Variants in TRMT13 observed in about 807,000 individuals in gnomAD.
TRMT13 encodes tRNA:m(4)X modification enzyme TRM13 homolog.
A neutral mutation model predicts 55.9 loss-of-function variants in TRMT13; 45 were observed. The observed-to-expected ratio is 0.80, with a 90% CI of 0.63 to 1.03. TRMT13 has a LOEUF of 1.03. TRMT13 is among the 50% of genes least tolerant of loss of function. The probability of loss-of-function intolerance (pLI) is 0.00; values close to 1 mark genes in which losing one functional copy is unlikely to be tolerated. For missense variants in TRMT13, 513 were observed against 563.9 expected, an observed-to-expected ratio of 0.91 and a Z score of 0.91; for synonymous variants, 183 against 196.3, an observed-to-expected ratio of 0.93 and a Z score of 0.57.
At chr1:100,147,550 TA>T (rs1357771714) in intron 9 of TRMT13, among the ~76,000 whole-genome samples, 2 of 152,196 alleles carry the variant, frequency 1.3e-5, no homozygotes, top group Non-Finnish European at 2.9e-5. Flanking sequence ...TGTAGGTGAA[TA>T]AAGTTTTCCC....
chr1:100,148,662 C>T lies in TRMT13; in HGVS notation c.1288C>T (p.Leu430Phe), dbSNP rs767533656. The T allele has an allele frequency of 2.0e-5, 33 of 1,611,456 alleles. No homozygotes were observed. Among genetic ancestry groups the T allele is most frequent in the Non-Finnish European group, 2.5e-5 (30 of 1,179,408 alleles). ...TGAAGAAAAGAAGAAAATAGGGCAT[C>T]TTTGTAAATTGCTGATTGACCAAGG... ...SVEEKKKIGHLCKLLIDQGRI... is the reference protein window; with the variant it reads ...SVEEKKKIGHFCKLLIDQGRI... The change falls in exon 11 of 11, where the codon CTT (leucine) becomes TTT (phenylalanine). Residue 430 changes from leucine (L) to phenylalanine (F), a missense_variant. Physicochemically the swap from Leu to Phe is conservative, Grantham distance 22. This residue lies in a region of TRMT13 where 209 missense variants were observed against 255.8 expected (regional missense o/e 0.82). Transcript: ENST00000370141.
chr1:100,137,676 A>T (rs955745063), intron 3 of TRMT13, among the ~76,000 whole-genome samples: 1 of 152,146 alleles, frequency 6.6e-6, no homozygotes. Flanking sequence ...GTAGTCTGGG[A>T]AAAAAGATAA....
At chr1:100,144,830 A>T (rs1266871193) in intron 9 of TRMT13, among the ~76,000 whole-genome samples, 3 of 152,230 alleles carry the variant, frequency 2.0e-5, no homozygotes, top group African/African-American at 7.2e-5. Flanking sequence ...TTGTTACATC[A>T]TCTTCCTAAC....
rs554876572 is a variant in TRMT13, at chr1:100,148,739, T to C, written c.1365T>C (p.Tyr455=). Residue 455 remains tyrosine (Y), a synonymous_variant, in exon 11 of 11, where the codon TAT becomes TAC. Coordinates refer to ENST00000370141, the MANE Select transcript of TRMT13 (RefSeq NM_019083.3). ...QKGFSPALQY[Y]TDPLVSLENV... The stretch of plus-strand genomic sequence containing the variant: ...GATTCAGTCCTGCTTTGCAGTACTA[T>C]ACAGACCCTCTGGTGTCTTTGGAAA... 4.6e-5 allele frequency: 73 copies of C among 1,599,340 alleles called. No individual in the cohort carries two copies. The East Asian group carries it at 1.6e-3, about 34-fold the overall frequency.
At position 100,148,159 on chromosome 1, in the gene TRMT13, C is replaced by G; in HGVS notation, c.1083C>G (p.Phe361Leu). The change falls in exon 10 of 11, where the codon TTC becomes TTG. Residue 361 changes from phenylalanine to leucine, a missense_variant. Physicochemically the swap from Phe to Leu is conservative, Grantham distance 22. Transcript: ENST00000370141. Reference sequence around the variant, plus strand: ...CTCTAGGCCTTGGAGCAGTGGAATTCCATTATTTCCAGCGAATGAGTAGTT... The same window carrying G: ...CTCTAGGCCTTGGAGCAGTGGAATTGCATTATTTCCAGCGAATGAGTAGTT... ...FRALGLGAVE[F>L]HYFQRMSSWA... is the part of the protein sequence containing the mutation. 1 of 1,614,150 alleles carries G rather than the reference C, an allele frequency of 6.2e-7. No homozygotes were observed. The highest frequency in any genetic ancestry group is 8.5e-7 in the Non-Finnish European group (1 of 1,180,034).
chr1:100,143,963 C>A, intron 8 of TRMT13, 106 bp from the exon 9 acceptor site: 1 of 911,324 alleles, frequency 1.1e-6, no homozygotes, highest in Non-Finnish European at 1.7e-6. Context: ...TTGTTTGAGT[C>A]TCTTTCAGGC....
chr1:100,147,621 A>G (rs762734272), intron 9 of TRMT13, among the ~76,000 whole-genome samples: 15 of 152,222 alleles, frequency 9.9e-5, no homozygotes, highest in Non-Finnish European at 1.5e-4. Flanking sequence ...GTAGTTGGGT[A>G]AAAGTTCTTC....
At chr1:100,145,504 C>T (rs542635668) in intron 9 of TRMT13, among the ~76,000 whole-genome samples, 244 of 152,166 alleles carry the variant, frequency 1.6e-3, no homozygotes, top group African/African-American at 5.6e-3. Flanking sequence ...TTCTCTTTTG[C>T]GATACTCTTA....
Position 100,148,028 on chromosome 1 carries a change from A to G in TRMT13, c.952A>G (p.Lys318Glu). 6.2e-7 allele frequency: 1 copy of G among 1,614,212 alleles called. No homozygotes were observed. Among genetic ancestry groups the G allele is most frequent in the Non-Finnish European group, 8.5e-7 (1 of 1,180,040 alleles). ...CACTTTGGCCAAGGAAGGAAATGAA[A>G]AAAATGTCCCAGAGAAGTGGAACCC... ...IYTLAKEGNE[K>E]NVPEKWNPVA... Residue 318 changes from lysine (K) to glutamate (E), a missense_variant, in exon 10 of 11, where the codon AAA becomes GAA. By Grantham distance (56) the Lys-to-Glu change is moderately conservative. Coordinates refer to ENST00000370141, the MANE Select transcript of TRMT13 (RefSeq NM_019083.3).
chr1:100,133,460 C>A, intron 1 of TRMT13, 145 bp downstream of exon 1: 1 of 1,051,642 alleles, frequency 9.5e-7, no homozygotes, highest in Non-Finnish European at 1.3e-6. Flanking sequence ...CCCAGTTTTG[C>A]CCTCCTTGCG....
chr1:100,149,594 A>G lies in TRMT13; in HGVS notation c.*774A>G. The G allele has an allele frequency of 1.7e-6, 1 of 577,494 alleles. No individual in the cohort carries two copies. The highest frequency in any genetic ancestry group is 2.9e-6 in the Non-Finnish European group (1 of 339,756). The allele number at this position is 577,494 out of a possible 1,614,324, so 35.8% of individuals were successfully genotyped here. A position where few individuals can be genotyped will look rare whatever the true frequency, so the allele number is the denominator to read the frequency against. ...TATCTTTTATCAGGTCATTTTTTAT[A>G]TATGTAGGCACAAACAATAAGTATG... On this transcript the variant is annotated 3_prime_UTR_variant, in exon 11 of 11. Coordinates refer to ENST00000370141, the MANE Select transcript of TRMT13 (RefSeq NM_019083.3).
rs369154911 is a variant in TRMT13 at position 100,137,005 on chromosome 1, C to A, written c.195-14C>A. On this transcript the variant is annotated splice_polypyrimidine_tract_variant and intron_variant, in intron 2 of 10. Transcript: ENST00000370141. ...CACAAGTCTCATTTGAAATAATTTT[C>A]TCTTTAAATTTAGCACAGTATATGA... The A allele has an allele frequency of 6.2e-7, 1 of 1,602,596 alleles. No individual in the cohort carries two copies. The highest frequency in any genetic ancestry group is 1.3e-5 in the African/African-American group (1 of 74,074).
At chr1:100,148,545 CAAT>C (rs1353088251) in intron 10 of TRMT13, 77 bp from the exon 11 acceptor site, 3 of 1,333,958 alleles carry the variant, frequency 2.2e-6, no homozygotes, top group African/African-American at 1.5e-5. Flanking sequence ...AACAGTCTCT[CAAT>C]AAATAGTGAC....
chr1:100,134,372 G>A (rs1655516354), intron 1 of TRMT13, among the ~76,000 whole-genome samples: 1 of 152,180 alleles, frequency 6.6e-6, no homozygotes, highest in African/African-American at 2.4e-5. Flanking sequence ...AAAGCGATCA[G>A]CATCAGATTT....
At chr1:100,137,217 A>G in intron 3 of TRMT13, 132 bp downstream of exon 3, 1 of 722,492 alleles carries the variant, frequency 1.4e-6, no homozygotes, top group African/African-American at 1.8e-5. Flanking sequence ...TTTTAAAGAG[A>G]TAGGGTCTCA....
rs907044741 is a variant in TRMT13, at chr1:100,150,116, C to G, written c.*1296C>G. 3 of 152,262 alleles carry G rather than the reference C, an allele frequency of 2.0e-5. No individual in the cohort carries two copies. Among genetic ancestry groups the G allele is most frequent in the Non-Finnish European group, 4.4e-5 (3 of 68,166 alleles). 9.4% of individuals were successfully genotyped at this position (152,262 alleles called of 1,614,324 possible). ...TGATGATGATAACAATAATACCTAC[C>G]TCACAAGGTTGTTGTGAGCATCAAA... On this transcript the variant is annotated 3_prime_UTR_variant, in exon 11 of 11. Transcript: ENST00000370141.
intron 4 of TRMT13, 25 bp downstream of exon 4, chr1:100,139,736 A>G: frequency 1.5e-6 from 2 of 1,342,236 alleles, no homozygotes; most frequent in South Asian, 1.3e-5. Context: ...TTAATATTTA[A>G]TTTTAAAAGA....
At chr1:100,141,490 C>T (rs1330573680) in intron 7 of TRMT13, among the ~76,000 whole-genome samples, 1 of 152,066 alleles carries the variant, frequency 6.6e-6, no homozygotes, top group Non-Finnish European at 1.5e-5. Context: ...CCACCATGCC[C>T]AGGTAATTTT....
In TRMT13 at chr1:100,148,620, T is replaced by C; in HGVS notation, c.1251-5T>C. ...CAATGTTTTGTGTGTGTTTATTCAA[T>C]TTAGGCTTCTTAGTGTTGAAGAAAA... On this transcript the variant is annotated splice_polypyrimidine_tract_variant and splice_region_variant and intron_variant, in intron 10 of 10. Coordinates refer to ENST00000370141, the MANE Select transcript of TRMT13 (RefSeq NM_019083.3). The C allele has an allele frequency of 6.3e-7, 1 of 1,597,502 alleles. No homozygotes were observed.
Sources: allele counts gnomAD v4.1 joint callset (sites outside exome capture counted in the v4.1 genomes callset), GRCh38; gene constraint gnomAD v4.1.1; regional missense constraint gnomAD v4.1.1; transcripts MANE v1.5; gene names NCBI Gene and HGNC (gene_info 2026-07-23, HGNC 2026-07-21).